CCSER1: variants seen among roughly 807,000 people sequenced by gnomAD.
CCSER1 encodes the protein coiled-coil serine rich protein 1.
A neutral mutation model predicts 82.0 loss-of-function variants in CCSER1; 41 were observed. The ratio of observed to expected loss-of-function variants is 0.50; its 90% confidence interval spans 0.39 to 0.65. The LOEUF (loss-of-function observed/expected upper bound fraction) is 0.65. Among genes scored for constraint, CCSER1 ranks in the 30% least tolerant of loss-of-function variants. The pLI, the probability that CCSER1 is intolerant of heterozygous loss-of-function variation, is 0.00. For synonymous variants in CCSER1, 414 were observed against 383.9 expected, an observed-to-expected ratio of 1.08 and a Z score of -0.92; for missense variants, 1,119 against 1,064.2, an observed-to-expected ratio of 1.05 and a Z score of -0.72.
chr4:90,147,840 A>T (rs552498393), intron 1 of CCSER1, among the ~76,000 whole-genome samples: 1 of 152,188 alleles, frequency 6.6e-6, no homozygotes, highest in Non-Finnish European at 1.5e-5. Flanking sequence ...AACATAATTC[A>T]TTTGAAGAGT....
chr4:90,435,282 T>TA (rs5860194), intron 4 of CCSER1, among the ~76,000 whole-genome samples: 19,562 of 152,068 alleles, frequency 0.13, 1,861 homozygotes, highest in East Asian at 0.37. Flanking sequence ...ATAGCTTAAA[T>TA]AAAGATGTTA....
chr4:90,638,157 C>T (rs893888252), intron 6 of CCSER1, among the ~76,000 whole-genome samples: 2 of 152,152 alleles, frequency 1.3e-5, no homozygotes, highest in African/African-American at 4.8e-5. Context: ...AAGGCATCTT[C>T]TGTGTGAGTG....
At chr4:90,735,615 C>T (rs61133176) in intron 7 of CCSER1, among the ~76,000 whole-genome samples, 23,320 of 151,966 alleles carry the variant, frequency 0.15, 2,899 homozygotes, top group African/African-American at 0.34. Context: ...CACATAGTTG[C>T]TCATGGTAAC....
At chr4:91,461,603 A>G (rs1427077883) in intron 10 of CCSER1, among the ~76,000 whole-genome samples, 1 of 152,176 alleles carries the variant, frequency 6.6e-6, no homozygotes, top group Non-Finnish European at 1.5e-5. Context: ...TGGATTAGCT[A>G]TACTTGTATG....
chr4:91,109,018 C>T (rs1461300343), intron 10 of CCSER1, among the ~76,000 whole-genome samples: 7 of 152,146 alleles, frequency 4.6e-5, no homozygotes, highest in African/African-American at 1.7e-4. Flanking sequence ...TGTTCCGGAG[C>T]TGGGGCACCC....
At chr4:91,140,544 A>G (rs1019155421) in intron 10 of CCSER1, among the ~76,000 whole-genome samples, 1 of 152,100 alleles carries the variant, frequency 6.6e-6, no homozygotes, top group Non-Finnish European at 1.5e-5. Flanking sequence ...AATCTTTACC[A>G]TTTGGAATTC....
intron 10 of CCSER1, among the ~76,000 whole-genome samples, chr4:91,296,835 A>G (rs1013434665): frequency 1.3e-5 from 2 of 151,746 alleles, no homozygotes; most frequent in Non-Finnish European, 2.9e-5. Flanking sequence ...ATAATGACAC[A>G]GTATGCAAGT....
intron 10 of CCSER1, among the ~76,000 whole-genome samples, chr4:91,380,794 A>G (rs147744016): frequency 0.02 from 2,991 of 152,188 alleles, 75 homozygotes; most frequent in African/African-American, 0.067. Flanking sequence ...TCATTATGAT[A>G]TTAGCTGGTT....
At chr4:90,490,041 A>G (rs1767731325) in intron 5 of CCSER1, among the ~76,000 whole-genome samples, 1 of 152,154 alleles carries the variant, frequency 6.6e-6, no homozygotes, top group African/African-American at 2.4e-5. Flanking sequence ...ATACCCAGTA[A>G]TTGGATTGCT....
At chr4:90,976,085 G>T (rs781509163) in intron 9 of CCSER1, among the ~76,000 whole-genome samples, 1 of 151,128 alleles carries the variant, frequency 6.6e-6, no homozygotes, top group Non-Finnish European at 1.5e-5. Flanking sequence ...GGTTCAGTTT[G>T]CTCTAATTTT....
chr4:90,154,828 G>C lies in CCSER1; in HGVS notation c.-42+26997G>C, dbSNP rs1388724096. Among the ~76,000 whole-genome samples, 5 of 150,958 alleles carry C rather than the reference G, an allele frequency of 3.3e-5. No individual in the cohort carries two copies. In the East Asian group the frequency reaches 7.8e-4, roughly 24 times the overall value. On this transcript the variant is annotated intron_variant, in intron 1 of 10. Transcript: ENST00000509176. ...TATACAATCATGTCATCTGCAAACA[G>C]GGACAATTTGACTTCCTCTTTTCCT...
intron 10 of CCSER1, among the ~76,000 whole-genome samples, chr4:91,401,851 A>G (rs532457989): frequency 6.6e-6 from 1 of 152,288 alleles, no homozygotes; most frequent in East Asian, 1.9e-4. Context: ...ATAGTGCCAC[A>G]ATAAACATAC....
chr4:91,566,782 CTTCT>C (rs746055877), intron 10 of CCSER1, among the ~76,000 whole-genome samples: 94 of 151,976 alleles, frequency 6.2e-4, no homozygotes, highest in Non-Finnish European at 1.1e-3. Context: ...TCTCTCTATT[CTTCT>C]TTATTAGTAT....
intron 6 of CCSER1, among the ~76,000 whole-genome samples, chr4:90,664,102 G>A (rs928448317): frequency 1.3e-5 from 2 of 152,314 alleles, no homozygotes; most frequent in Middle Eastern, 3.4e-3. Context: ...GCACATTCAT[G>A]TATGAGACCG....
chr4:90,612,937 G>A (rs189418584), intron 5 of CCSER1, among the ~76,000 whole-genome samples: 1 of 152,180 alleles, frequency 6.6e-6, no homozygotes, highest in East Asian at 1.9e-4. Flanking sequence ...AAAGTCACTG[G>A]CCTCTGACTT....
chr4:91,477,574 TC>T (rs1339785898), intron 10 of CCSER1, among the ~76,000 whole-genome samples: 3 of 151,814 alleles, frequency 2.0e-5, no homozygotes, highest in African/African-American at 7.2e-5. Flanking sequence ...TAGCCTATAA[TC>T]TAATTTTCAA....
intron 7 of CCSER1, among the ~76,000 whole-genome samples, chr4:90,768,244 T>G (rs1245334729): frequency 6.6e-6 from 1 of 152,160 alleles, no homozygotes; most frequent in East Asian, 1.9e-4. Context: ...AAACAGGTTT[T>G]CTGAAGCCTG....
intron 10 of CCSER1, among the ~76,000 whole-genome samples, chr4:91,554,392 A>T (rs6532318): frequency 0.67 from 101,700 of 150,810 alleles, 35,144 homozygotes; most frequent in African/African-American, 0.8. Flanking sequence ...GTTCATTATA[A>T]CCTTTTGATC....
intron 10 of CCSER1, among the ~76,000 whole-genome samples, chr4:91,539,709 A>G (rs1266300508): frequency 6.6e-6 from 1 of 152,130 alleles, no homozygotes; most frequent in Non-Finnish European, 1.5e-5. Context: ...GCTGAATTAT[A>G]TGAATCAATT....
Sources: gnomAD v4.1 joint callset for allele counts (sites outside exome capture counted in the v4.1 genomes callset) on GRCh38, gnomAD v4.1.1 for gene constraint, MANE v1.5 for transcripts, NCBI Gene and HGNC (gene_info 2026-07-23, HGNC 2026-07-21) for gene names.